Variants in ESR1 observed in about 807,000 individuals in gnomAD.
ESR1 encodes estrogen receptor 1.
A neutral mutation model predicts 52.7 loss-of-function variants in ESR1; 12 were observed. That is an observed-to-expected ratio of 0.23 (90% CI 0.15 to 0.37). ESR1 has a LOEUF of 0.37. Among genes scored for constraint, ESR1 ranks in the 10% least tolerant of loss-of-function variants. ESR1 has a pLI of 1.00. For synonymous variants in ESR1, 305 were observed against 316.8 expected (o/e 0.96, Z 0.39); for missense variants, 584 against 779.7 (o/e 0.75, Z 2.99).
intron 1 of ESR1, among the ~76,000 whole-genome samples, chr6:151,837,622 T>G (rs1783577135): frequency 6.6e-6 from 1 of 152,234 alleles, no homozygotes; most frequent in African/African-American, 2.4e-5. Context: ...TTGTCATAGA[T>G]GCGTTCATTT....
At chr6:151,982,564 A>C (rs1048311205) in intron 4 of ESR1, among the ~76,000 whole-genome samples, 1 of 149,190 alleles carries the variant, frequency 6.7e-6, no homozygotes, top group African/African-American at 2.5e-5. Flanking sequence ...GGCTCACTGC[A>C]AGCTCCGCCT....
At chr6:151,748,916 A>T (rs989895467) in intron 2 of ESR1, among the ~76,000 whole-genome samples, 2 of 152,188 alleles carry the variant, frequency 1.3e-5, no homozygotes, top group African/African-American at 4.8e-5. Context: ...GAAGAAGGTG[A>T]TTGGTTCATT....
At chr6:151,783,382 C>T (rs541042009) in intron 2 of ESR1, among the ~76,000 whole-genome samples, 33 of 152,310 alleles carry the variant, frequency 2.2e-4, no homozygotes, top group African/African-American at 7.7e-4. Flanking sequence ...TCCATTGGTA[C>T]ATGCAGGGCA....
chr6:151,962,817 C>T (rs903891043), intron 4 of ESR1, among the ~76,000 whole-genome samples: 30 of 152,236 alleles, frequency 2.0e-4, no homozygotes, highest in African/African-American at 6.5e-4. Context: ...TTTAAGATTT[C>T]TTCCACTTTG....
exon 7 of ESR1, chr6:152,127,674 G>A (rs1162311682): frequency 1.3e-5 from 2 of 152,068 alleles, no homozygotes; most frequent in South Asian, 2.1e-4. Context: ...CTTTCCTTGG[G>A]GCACGGGTGA....
At chr6:151,890,987 T>A (rs985472872) in intron 3 of ESR1, among the ~76,000 whole-genome samples, 11 of 152,196 alleles carry the variant, frequency 7.2e-5, no homozygotes, top group Non-Finnish European at 1.3e-4. Flanking sequence ...CCTTTGTGAT[T>A]AGGCGATTTT....
rs745670953 is a variant in ESR1, at chr6:151,808,193, T to G, written c.281T>G (p.Leu94Arg). ...SEAAAFGSNGLGGFPPLNSVS... is the reference protein window; with the variant it reads ...SEAAAFGSNGRGGFPPLNSVS... ...GCTGCGGCGTTCGGCTCCAACGGCC[T>G]GGGGGGTTTCCCCCCACTCAACAGC... The change falls in exon 1 of 8, where the codon CTG becomes CGG. Residue 94 changes from leucine to arginine, a missense_variant. Leu to Arg is a moderately radical substitution (Grantham distance 102). Around this residue, in one of 6 missense-constraint regions of ESR1, gnomAD observed 251 missense variants for 246.1 expected, o/e 1.02. Coordinates refer to ENST00000206249, the MANE Select transcript of ESR1 (RefSeq NM_000125.4). The G allele has an allele frequency of 6.3e-7, 1 of 1,576,860 alleles. No homozygotes were observed.
At chr6:151,837,801 C>T (rs1446578749) in intron 1 of ESR1, among the ~76,000 whole-genome samples, 5 of 151,994 alleles carry the variant, frequency 3.3e-5, no homozygotes, top group Admixed American at 3.3e-4. Flanking sequence ...GGTGACAACT[C>T]AGTGAGAAAA....
intron 2 of ESR1, among the ~76,000 whole-genome samples, chr6:151,863,067 T>A (rs2128290914): frequency 6.6e-6 from 1 of 152,330 alleles, no homozygotes; most frequent in Non-Finnish European, 1.5e-5. Flanking sequence ...TCTCTTGTAG[T>A]ATAGTTTGAA....
chr6:152,110,709 C>A (rs1474924111), intron 6 of ESR1, among the ~76,000 whole-genome samples: 1 of 152,186 alleles, frequency 6.6e-6, no homozygotes, highest in Admixed American at 6.5e-5. Flanking sequence ...TGCATTTAAG[C>A]AAGCTTTCAC....
rs9340907 is a variant in ESR1, at chr6:151,950,843, G to T, written c.1096+6335G>T. Among the ~76,000 whole-genome samples, 318 of 118,854 alleles carry T rather than the reference G, an allele frequency of 2.7e-3. 1 individual carries two copies. Among genetic ancestry groups the T allele is most frequent in the East Asian group, 0.011 (56 of 4,878 alleles). 78.0% of individuals were successfully genotyped at this position (118,854 alleles called of 152,430 possible). Reference sequence around the variant, plus strand: ...GAAGCCACCTAGTTTTTGATACTTTGTATGGGAGCCCTAGGAAATTAATAC... The same window carrying T: ...GAAGCCACCTAGTTTTTGATACTTTTTATGGGAGCCCTAGGAAATTAATAC... On this transcript the variant is annotated intron_variant, in intron 4 of 7. Transcript: ENST00000206249.
At chr6:151,990,053 G>A (rs2040864959) in intron 4 of ESR1, among the ~76,000 whole-genome samples, 1 of 152,038 alleles carries the variant, frequency 6.6e-6, no homozygotes, top group African/African-American at 2.4e-5. Flanking sequence ...AGTGTTAGAT[G>A]AGTGGTTAAT....
At chr6:151,818,808 TACACAC>T (rs3996304) in intron 1 of ESR1, among the ~76,000 whole-genome samples, 1 of 150,722 alleles carries the variant, frequency 6.6e-6, no homozygotes, top group African/African-American at 2.4e-5. Flanking sequence ...TACACATATA[TACACAC>T]ACACACACAC....
At chr6:151,977,987 A>T (rs979689200) in intron 4 of ESR1, among the ~76,000 whole-genome samples, 1 of 151,270 alleles carries the variant, frequency 6.6e-6, no homozygotes, top group Admixed American at 6.6e-5. Flanking sequence ...AAACAAGGAA[A>T]GAGAGGGACA....
At chr6:151,846,537 A>G (rs1785155890) in intron 2 of ESR1, among the ~76,000 whole-genome samples, 1 of 152,226 alleles carries the variant, frequency 6.6e-6, no homozygotes, top group South Asian at 2.1e-4. Context: ...AAGATGCCGC[A>G]GCTCTCCCTG....
At chr6:151,818,873 T>C (rs1780100339) in intron 1 of ESR1, among the ~76,000 whole-genome samples, 1 of 152,046 alleles carries the variant, frequency 6.6e-6, no homozygotes, top group Non-Finnish European at 1.5e-5. Flanking sequence ...ATATATCATA[T>C]ATACTCCCCA....
chr6:151,665,503 T>C (rs1437069224), intron 1 of ESR1, among the ~76,000 whole-genome samples: 1 of 152,192 alleles, frequency 6.6e-6, no homozygotes, highest in South Asian at 2.1e-4. Flanking sequence ...TCCTAGCAAG[T>C]GAAGCTCTGT....
At position 151,808,225 on chromosome 6, in the gene ESR1, C is replaced by G. The variant is rs754125870; in HGVS notation, c.313C>G (p.Pro105Ala). 2.6e-5 allele frequency: 41 copies of G among 1,571,590 alleles called. No homozygotes were observed. Among genetic ancestry groups the G allele is most frequent in the Non-Finnish European group, 3.5e-5 (40 of 1,158,650 alleles). ...TTTCCCCCCACTCAACAGCGTGTCT[C>G]CGAGCCCGCTGATGCTACTGCACCC... The part of the protein sequence containing the change: ...GGFPPLNSVS[P>A]SPLMLLHPPP... The change falls in exon 1 of 8, where the codon CCG becomes GCG. Residue 105 changes from proline (P) to alanine (A), a missense_variant. Coordinates refer to ENST00000206249, the MANE Select transcript of ESR1 (RefSeq NM_000125.4).
At chr6:151,759,394 T>C (rs1007166495) in intron 2 of ESR1, among the ~76,000 whole-genome samples, 5 of 152,072 alleles carry the variant, frequency 3.3e-5, no homozygotes, top group South Asian at 2.1e-4. Flanking sequence ...AGGCTCTTCA[T>C]TGGGAGATAT....
Sources: allele counts gnomAD v4.1 joint callset (sites outside exome capture counted in the v4.1 genomes callset), GRCh38; gene constraint gnomAD v4.1.1; regional missense constraint gnomAD v4.1.1; transcripts MANE v1.5; gene names NCBI Gene and HGNC (gene_info 2026-07-23, HGNC 2026-07-21).